Variants in MGST1 observed in about 807,000 individuals in gnomAD.
The protein encoded by MGST1 is microsomal glutathione S-transferase 1.
MGST1 carries 5 observed loss-of-function variants against 8.9 expected under a neutral mutation model. That is an observed-to-expected ratio of 0.56 (90% CI 0.29 to 1.19). MGST1 has a LOEUF of 1.19. Ranked by LOEUF, MGST1 falls within the 50% of genes most tolerant of loss-of-function variation. The pLI is 0.08. For missense variants in MGST1, 182 were observed against 187.4 expected (o/e 0.97, Z 0.17); for synonymous variants, 54 against 67.8 (o/e 0.80, Z 1.00).
chr12:16,352,872 CT>C (rs1005726611), intron 1 of MGST1, among the ~76,000 whole-genome samples: 2 of 152,116 alleles, frequency 1.3e-5, no homozygotes, highest in Non-Finnish European at 2.9e-5. Flanking sequence ...TATCCTGCTT[CT>C]CCTTCTTTAC....
intron 4 of MGST1, among the ~76,000 whole-genome samples, chr12:16,452,525 G>A (rs1230018573): frequency 2.0e-5 from 3 of 151,634 alleles, no homozygotes; most frequent in African/African-American, 4.8e-5. Flanking sequence ...ATACAACAGA[G>A]AACTTTATTG....
intron 4 of MGST1, among the ~76,000 whole-genome samples, chr12:16,527,726 C>A (rs1473662857): frequency 6.6e-6 from 1 of 151,924 alleles, no homozygotes. Flanking sequence ...AATAATAAGT[C>A]ATCAGGAAGC....
At chr12:16,364,845 C>G (rs1940155696), downstream of MGST1, among the ~76,000 whole-genome samples, 1 of 152,086 alleles carries the variant, frequency 6.6e-6, no homozygotes, top group African/African-American at 2.4e-5. The surrounding 1 kb of genome is among the most constrained non-coding windows in gnomAD (Gnocchi z 5.7). Context: ...TTAGGTTTCA[C>G]TTAAATGAGA....
At chr12:16,402,058 T>C (rs1473669755) in intron 1 of MGST1, 1 of 1,573,746 alleles carries the variant, frequency 6.4e-7, no homozygotes, top group African/African-American at 1.4e-5. Context: ...ATGGCTTCAA[T>C]CATTTTGTCA....
intron 4 of MGST1, among the ~76,000 whole-genome samples, chr12:16,512,837 A>C (rs977595903): frequency 7.9e-5 from 12 of 152,250 alleles, no homozygotes; most frequent in African/African-American, 2.7e-4. Context: ...CTGTTTTCAA[A>C]GAAGTGAGTA....
At chr12:16,477,045 G>A (rs1941328570) in intron 4 of MGST1, among the ~76,000 whole-genome samples, 1 of 152,154 alleles carries the variant, frequency 6.6e-6, no homozygotes, top group Non-Finnish European at 1.5e-5. Flanking sequence ...CAATTTCACA[G>A]AATGGTTTCT....
At chr12:16,445,235 T>G (rs1480162575) in intron 4 of MGST1, among the ~76,000 whole-genome samples, 3 of 151,842 alleles carry the variant, frequency 2.0e-5, no homozygotes, top group African/African-American at 7.2e-5. Flanking sequence ...AAAAGGCTAG[T>G]AGGGATTGTA....
At chr12:16,527,535 T>C (rs1215232199) in intron 4 of MGST1, among the ~76,000 whole-genome samples, 1 of 151,956 alleles carries the variant, frequency 6.6e-6, no homozygotes, top group Non-Finnish European at 1.5e-5. Context: ...AGTTGTTAAA[T>C]TGGGGTAATT....
In MGST1 at chr12:16,459,513, G is replaced by C. The variant is rs547427234; in HGVS notation, n.482+75909G>C. On this transcript the variant is annotated intron_variant and non_coding_transcript_variant, in intron 4 of 4. Transcript: ENST00000538857. ...TTAAGTGATCCAAGTCATAGGTCAT[G>C]GATCCTGCAGCCCTTTATTATTTAA... Among the ~76,000 whole-genome samples the C allele has an allele frequency of 3.9e-5, 6 of 152,150 alleles. No individual in the cohort carries two copies. In the East Asian group the frequency reaches 1.2e-3, roughly 29 times the overall value.
chr12:16,388,923 A>T (rs2137050098), intron 1 of MGST1, among the ~76,000 whole-genome samples: 1 of 152,296 alleles, frequency 6.6e-6, no homozygotes. Context: ...GAGCAACTAC[A>T]CTGAATCTCA....
At chr12:16,527,049 T>A (rs1160032651) in intron 4 of MGST1, among the ~76,000 whole-genome samples, 1 of 151,974 alleles carries the variant, frequency 6.6e-6, no homozygotes, top group Non-Finnish European at 1.5e-5. Context: ...ACCACTTAGC[T>A]CTAGGTTACA....
At chr12:16,507,606 C>T (rs1941546957) in intron 4 of MGST1, among the ~76,000 whole-genome samples, 1 of 152,152 alleles carries the variant, frequency 6.6e-6, no homozygotes, top group African/African-American at 2.4e-5. Context: ...CACAGTTCTG[C>T]AAGCTGTTCA....
intron 4 of MGST1, among the ~76,000 whole-genome samples, chr12:16,484,400 T>TG (rs71054821): frequency 0.061 from 9,344 of 152,122 alleles, 398 homozygotes; most frequent in Middle Eastern, 0.12. Context: ...AGAATCTGTT[T>TG]TTTGTTTGTT....
chr12:16,492,800 T>C (rs1301477762), intron 4 of MGST1, among the ~76,000 whole-genome samples: 2 of 152,094 alleles, frequency 1.3e-5, no homozygotes, highest in Admixed American at 1.3e-4. Flanking sequence ...AGGATATGGA[T>C]TTTTCAGACA....
chr12:16,364,011 C>T lies in MGST1; in HGVS notation c.438C>T (p.Tyr146=). ...VGYGVTLSMA[Y]RLLKSKLYL is the part of the protein sequence containing the mutation. Reference sequence around the variant, plus strand: ...ATGGAGTTACTCTTTCCATGGCTTACAGGTTGCTGAAAAGTAAATTGTACC... The same window carrying T: ...ATGGAGTTACTCTTTCCATGGCTTATAGGTTGCTGAAAAGTAAATTGTACC... Residue 146 remains tyrosine, a synonymous_variant, in exon 4 of 4, where the codon TAC becomes TAT. Coordinates refer to ENST00000396210, the MANE Select transcript of MGST1 (RefSeq NM_020300.5). The surrounding 1 kb of genome is among the most constrained non-coding windows in gnomAD (Gnocchi z 5.7). 6.2e-7 allele frequency: 1 copy of T among 1,611,862 alleles called. No homozygotes were observed. The highest frequency in any genetic ancestry group is 8.5e-7 in the Non-Finnish European group (1 of 1,178,648).
intron 1 of MGST1, among the ~76,000 whole-genome samples, chr12:16,415,171 T>A (rs1940777750): frequency 6.6e-6 from 1 of 152,238 alleles, no homozygotes; most frequent in South Asian, 2.1e-4. Flanking sequence ...TCAGATAAGA[T>A]GTCTTATACT....
chr12:16,436,260 A>G (rs530303545), intron 1 of MGST1, among the ~76,000 whole-genome samples: 2 of 152,130 alleles, frequency 1.3e-5, no homozygotes, highest in East Asian at 3.9e-4. Context: ...GCACTCTTGT[A>G]GGTACTGTGC....
Position 16,560,448 on chromosome 12 carries a change from G to A in MGST1, n.483-29080G>A, listed in dbSNP as rs1942359528. ...AAAGCTGACATGCAAAGCAGTCCAG[G>A]TGGTAAACATTGTCCTTGGCACGCA... On this transcript the variant is annotated intron_variant and non_coding_transcript_variant, in intron 4 of 4. Coordinates refer to the MGST1 transcript ENST00000538857. This position sits in a 1 kb window ranked among gnomAD's most constrained non-coding sequence, Gnocchi z 5.0. 3.7e-6 allele frequency: 6 copies of A among 1,613,940 alleles called. No individual in the cohort carries two copies. The East Asian group carries it at 1.1e-4, about 30-fold the overall frequency.
chr12:16,459,932 T>C (rs1247100009), intron 4 of MGST1, among the ~76,000 whole-genome samples: 4 of 152,078 alleles, frequency 2.6e-5, no homozygotes, highest in East Asian at 1.9e-4. Flanking sequence ...AAAAGGCATA[T>C]TTTAGAAATC....
Sources: allele counts gnomAD v4.1 joint callset (sites outside exome capture counted in the v4.1 genomes callset), GRCh38; gene constraint gnomAD v4.1.1; non-coding constraint Gnocchi (gnomAD v3.1); transcripts MANE v1.5; gene names NCBI Gene and HGNC (gene_info 2026-07-23, HGNC 2026-07-21).